SERPINB5: variants seen among roughly 807,000 people sequenced by gnomAD.
The protein encoded by SERPINB5 is serpin family B member 5.
A neutral mutation model predicts 32.2 loss-of-function variants in SERPINB5; 27 were observed. The ratio of observed to expected loss-of-function variants is 0.84; its 90% CI spans 0.62 to 1.16. The LOEUF (loss-of-function observed/expected upper bound fraction) is 1.16, where lower values mean the gene tolerates loss of function less well. Ranked by LOEUF, SERPINB5 falls within the 50% of genes most tolerant of loss-of-function variation. The pLI is 0.00. For synonymous variants in SERPINB5, 154 were observed against 157.4 expected (o/e 0.98, Z 0.16); for missense variants, 388 against 436.3 (o/e 0.89, Z 0.99).
chr18:63,493,481 G>T, intron 5 of SERPINB5: 6 of 434,142 alleles, frequency 1.4e-5, no homozygotes, highest in Non-Finnish European at 2.0e-5. Context: ...TCTTGTTCCT[G>T]ATTGATTAAC....
chr18:63,480,014 G>A (rs1477615309), intron 1 of SERPINB5, among the ~76,000 whole-genome samples: 1 of 152,168 alleles, frequency 6.6e-6, no homozygotes, highest in Non-Finnish European at 1.5e-5. Flanking sequence ...GGTGTGGCGG[G>A]GAAGTGCCAG....
chr18:63,487,004 A>T lies in SERPINB5; in HGVS notation c.227A>T (p.Asp76Val), dbSNP rs529573541. 183 of 1,614,120 alleles carry T rather than the reference A, an allele frequency of 1.1e-4. 1 individual carries two copies. The highest frequency in any genetic ancestry group is 2.0e-4 in the Admixed American group (12 of 60,034). Residue 76 changes from aspartate (D) to valine (V), a missense_variant, in exon 3 of 7, where the codon GAT (aspartate) becomes GTT (valine). Coordinates refer to ENST00000382771, the MANE Select transcript of SERPINB5 (RefSeq NM_002639.5). The stretch of plus-strand genomic sequence containing the variant: ...TTTGGATTTCAAACAGTAACATCGG[A>T]TGTAAACAAACTTAGTTCCTTTTAC... Reference protein sequence around the residue: ...VPFGFQTVTSDVNKLSSFYSL... With the variant: ...VPFGFQTVTSVVNKLSSFYSL...
intron 5 of SERPINB5, chr18:63,493,388 CT>C: frequency 1.8e-6 from 1 of 559,094 alleles, no homozygotes; most frequent in Non-Finnish European, 3.1e-6. Context: ...CTACAAACAT[CT>C]GAGAACTTTA....
intron 6 of SERPINB5, among the ~76,000 whole-genome samples, chr18:63,503,001 G>T (rs187391167): frequency 6.6e-6 from 1 of 152,120 alleles, no homozygotes; most frequent in East Asian, 1.9e-4. Flanking sequence ...TCCAGCCCGG[G>T]TGACAGAACA....
In SERPINB5 at chr18:63,484,570, G is replaced by T. The variant is rs150383460; in HGVS notation, c.142G>T (p.Gly48Cys). Reference protein sequence around the residue: ...SLSLAQVGAKGDTANEIGQVL... With the variant: ...SLSLAQVGAKCDTANEIGQVL... ...GTCACTTGCTCAAGTGGGTGCTAAA[G>T]GTGACACTGCAAATGAAATTGGACA... is the stretch of plus-strand genomic sequence containing the variant. The change falls in exon 2 of 7, where the codon GGT becomes TGT. Residue 48 changes from glycine (G) to cysteine (C), a missense_variant. Transcript: ENST00000382771. 85 of 1,613,508 alleles carry T rather than the reference G, an allele frequency of 5.3e-5. No individual in the cohort carries two copies. The highest frequency in any genetic ancestry group is 6.4e-5 in the Non-Finnish European group (76 of 1,179,916).
intron 6 of SERPINB5, 131 bp from the exon 7 acceptor site, chr18:63,503,199 G>A: frequency 9.8e-7 from 1 of 1,016,274 alleles, no homozygotes; most frequent in Non-Finnish European, 1.4e-6. Context: ...AAAACTTCTG[G>A]GCCATCTTTG....
In SERPINB5 at chr18:63,499,047, G is replaced by GTGTATATATA. The variant is rs376117295; in HGVS notation, c.568-72_568-71insGTATATATAT. ...TGTGTGTGTGTGTGCGCGCGTGTGT[G>GTGTATATATA]TATATATATATATATATATATTTAT... On this transcript the variant is annotated intron_variant, in intron 5 of 6. Transcript: ENST00000382771. The GTGTATATATA allele has an allele frequency of 7.2e-3, 3,580 of 497,164 alleles. 36 individuals carry two copies. Among genetic ancestry groups the GTGTATATATA allele is most frequent in the Admixed American group, 0.013 (297 of 23,732 alleles). The allele number at this position is 497,164 out of a possible 1,614,324, so 30.8% of individuals were successfully genotyped here.
chr18:63,497,026 T>G, intron 5 of SERPINB5: 2 of 550,288 alleles, frequency 3.6e-6, no homozygotes, highest in Non-Finnish European at 7.1e-6. Flanking sequence ...TCTCCAGCTC[T>G]GATCCGCTGT....
At chr18:63,478,298 C>G (rs1158090040) in intron 1 of SERPINB5, among the ~76,000 whole-genome samples, 1 of 152,180 alleles carries the variant, frequency 6.6e-6, no homozygotes, top group Non-Finnish European at 1.5e-5. Flanking sequence ...TGCTTGGCAA[C>G]AGTGGGCTGG....
At chr18:63,477,562 T>A (rs1917055133) in intron 1 of SERPINB5, among the ~76,000 whole-genome samples, 1 of 152,212 alleles carries the variant, frequency 6.6e-6, no homozygotes, top group Admixed American at 6.5e-5. Flanking sequence ...TTGGCATTTT[T>A]AAGCATCAGA....
chr18:63,492,755 C>T (rs972321639), intron 4 of SERPINB5, among the ~76,000 whole-genome samples, 198 bp from the exon 5 acceptor site: 1 of 152,210 alleles, frequency 6.6e-6, no homozygotes, highest in African/African-American at 2.4e-5. Flanking sequence ...TTCTCCTCTG[C>T]TGACCTCTTT....
intron 6 of SERPINB5, among the ~76,000 whole-genome samples, chr18:63,502,235 A>C (rs1415401005): frequency 2.7e-5 from 4 of 150,592 alleles, no homozygotes; most frequent in African/African-American, 9.8e-5. Context: ...TCCTGGGTTC[A>C]TGCCATTCTC....
chr18:63,497,478 A>G (rs983897406), intron 5 of SERPINB5: 23 of 503,070 alleles, frequency 4.6e-5, no homozygotes, highest in Non-Finnish European at 7.4e-5. Flanking sequence ...GCTAAGCTTT[A>G]CCATTGAACA....
chr18:63,493,861 A>AAAGCAAAC (rs1555670954), intron 5 of SERPINB5, among the ~76,000 whole-genome samples: 2 of 151,014 alleles, frequency 1.3e-5, no homozygotes, highest in African/African-American at 4.9e-5. Flanking sequence ...CACCTCAAGA[A>AAAGCAAAC]AAACAAACAA....
In SERPINB5 at chr18:63,503,409, C is replaced by T. The variant is rs142654718; in HGVS notation, c.815C>T (p.Ser272Phe). Residue 272 changes from serine to phenylalanine, a missense_variant, in exon 7 of 7, where the codon TCC becomes TTC. Coordinates refer to ENST00000382771, the MANE Select transcript of SERPINB5 (RefSeq NM_002639.5). ...STMANAKVKL[S>F]IPKFKVEKMI... ...ATGGCCAATGCCAAGGTCAAACTCT[C>T]CATTCCAAAATTTAAGGTGGAAAAG... is the stretch of plus-strand genomic sequence containing the variant. 3.2e-5 allele frequency: 52 copies of T among 1,614,120 alleles called. No homozygotes were observed. Among genetic ancestry groups the T allele is most frequent in the Middle Eastern group, 1.6e-4 (1 of 6,084 alleles).
At chr18:63,502,207 C>T (rs1177727623) in intron 6 of SERPINB5, among the ~76,000 whole-genome samples, 2 of 150,416 alleles carry the variant, frequency 1.3e-5, no homozygotes, top group Non-Finnish European at 2.9e-5. Context: ...ATGATCTCAG[C>T]TCACTGCAAG....
intron 2 of SERPINB5, 143 bp downstream of exon 2, chr18:63,484,739 A>ATATT (rs1474564506): frequency 1.4e-3 from 198 of 144,780 alleles, no homozygotes; most frequent in African/African-American, 9.3e-3. Flanking sequence ...GACTCTCTTA[A>ATATT]TCTTTTTTTT....
At chr18:63,490,964 A>C (rs976481578) in intron 4 of SERPINB5, among the ~76,000 whole-genome samples, 1 of 152,102 alleles carries the variant, frequency 6.6e-6, no homozygotes, top group African/African-American at 2.4e-5. Context: ...GTAGTCTTCT[A>C]TCTCTCACCT....
Position 63,491,576 on chromosome 18 carries a change from G to A in SERPINB5, c.425-1377G>A, listed in dbSNP as rs533053488. Among the ~76,000 whole-genome samples the A allele has an allele frequency of 5.3e-5, 8 of 151,692 alleles. No homozygotes were observed. In the South Asian group the frequency reaches 1.7e-3, roughly 32 times the overall value. ...TGTAACCTCCGCCTCCCAGGTTCAA[G>A]GGATTCTCCTGTCTCAGCCTCCCAA... On this transcript the variant is annotated intron_variant, in intron 4 of 6. Coordinates refer to ENST00000382771, the MANE Select transcript of SERPINB5 (RefSeq NM_002639.5).
Sources: allele counts gnomAD v4.1 joint callset (sites outside exome capture counted in the v4.1 genomes callset), GRCh38; gene constraint gnomAD v4.1.1; transcripts MANE v1.5; gene names NCBI Gene and HGNC (gene_info 2026-07-23, HGNC 2026-07-21).